RARS2: variants seen among roughly 807,000 people sequenced by gnomAD.
RARS2 encodes the protein probable arginine--tRNA ligase, mitochondrial.
RARS2 carries 67 observed loss-of-function variants against 88.5 expected under a neutral mutation model. The ratio of observed to expected loss-of-function variants is 0.76; its 90% CI spans 0.62 to 0.93. The LOEUF (loss-of-function observed/expected upper bound fraction) is 0.93, where lower values mean the gene tolerates loss of function less well. Among genes scored for constraint, RARS2 ranks in the 40% least tolerant of loss-of-function variants. RARS2 has a pLI of 0.00. For missense variants in RARS2, 664 were observed against 684.2 expected (o/e 0.97, Z 0.33); for synonymous variants, 239 against 230.3 (o/e 1.04, Z -0.34).
intron 7 of RARS2, among the ~76,000 whole-genome samples, chr6:87,543,302 CAAAACAAAAACAAAAACA>C (rs563618761): frequency 1.4e-4 from 20 of 147,352 alleles, no homozygotes; most frequent in African/African-American, 5.1e-4. Flanking sequence ...AACTCTGTCT[CAAAACAAAAACAAAAACA>C]AAAACAAAAA....
At chr6:87,516,969 A>C in intron 17 of RARS2, 89 bp from the exon 18 acceptor site, 1 of 1,564,170 alleles carries the variant, frequency 6.4e-7, no homozygotes, top group Non-Finnish European at 8.7e-7. Flanking sequence ...TATAAGGTTG[A>C]CTCGACACGA....
intron 18 of RARS2, 55 bp downstream of exon 18, chr6:87,516,751 G>T (rs943702902): frequency 1.9e-6 from 3 of 1,601,628 alleles, no homozygotes; most frequent in Admixed American, 3.4e-5. Flanking sequence ...ACCTTTAGAT[G>T]AAAGAAAGGT....
intron 1 of RARS2, among the ~76,000 whole-genome samples, chr6:87,573,848 T>C (rs868822933): frequency 4.6e-5 from 7 of 152,048 alleles, no homozygotes; most frequent in African/African-American, 1.7e-4. Flanking sequence ...CAGCAGCAAA[T>C]ACACAAGACA....
In RARS2 at chr6:87,589,915, T is replaced by C. The variant is rs1403257711; in HGVS notation, c.36+7A>G. ...AGGGACTCCTCTGCGCGCTCCGGGA[T>C]CCATACCTGGCAAGCAATAGCGCGG... On this transcript the variant is annotated splice_region_variant and intron_variant, in intron 1 of 19. Transcript: ENST00000369536. The C allele has an allele frequency of 3.1e-6, 5 of 1,614,116 alleles. No homozygotes were observed. The highest frequency in any genetic ancestry group is 1.1e-5 in the South Asian group (1 of 91,088).
intron 1 of RARS2, among the ~76,000 whole-genome samples, chr6:87,581,439 G>A (rs539543587): frequency 6.6e-6 from 1 of 151,958 alleles, no homozygotes; most frequent in African/African-American, 2.4e-5. Flanking sequence ...CAGTGCAGAA[G>A]CCCTCCCAAA....
At chr6:87,559,535 T>C (rs1212768984) in intron 4 of RARS2, among the ~76,000 whole-genome samples, 1 of 151,092 alleles carries the variant, frequency 6.6e-6, no homozygotes, top group East Asian at 2.0e-4. Flanking sequence ...TACAGCAGTG[T>C]GATCCTGTAC....
chr6:87,564,925 G>C (rs989217141), intron 2 of RARS2, among the ~76,000 whole-genome samples: 1 of 126,104 alleles, frequency 7.9e-6, no homozygotes, highest in African/African-American at 2.9e-5. Context: ...AGGCGTGGTG[G>C]CATGTGCCCG....
At position 87,518,636 on chromosome 6, in the gene RARS2, A is replaced by G; in HGVS notation, c.1409T>C (p.Leu470Pro). Reference sequence around the variant, plus strand: ...CCCTGCAGCCTCTTCTCACCTGTGGAGGCGGGCGTGTGTGTACTGTAGGAA... The same window carrying G: ...CCCTGCAGCCTCTTCTCACCTGTGGGGGCGGGCGTGTGTGTACTGTAGGAA... ...GVFLQYTHAR[L>P]HSLEETFGCG... The change falls in exon 16 of 20, where the codon CTC becomes CCC. Residue 470 changes from leucine (L) to proline (P), a missense_variant. Coordinates refer to ENST00000369536, the MANE Select transcript of RARS2 (RefSeq NM_020320.5). 1 of 1,611,658 alleles carries G rather than the reference A, an allele frequency of 6.2e-7. No individual in the cohort carries two copies. The highest frequency in any genetic ancestry group is 1.7e-5 in the Admixed American group (1 of 60,004).
chr6:87,570,259 A>C (rs1749701408), intron 1 of RARS2, among the ~76,000 whole-genome samples: 1 of 151,518 alleles, frequency 6.6e-6, no homozygotes, highest in African/African-American at 2.4e-5. Flanking sequence ...TTCCACATCA[A>C]CTCCCCAAAG....
chr6:87,589,371 CA>C (rs1776261647), intron 1 of RARS2, among the ~76,000 whole-genome samples: 1 of 152,154 alleles, frequency 6.6e-6, no homozygotes, highest in South Asian at 2.1e-4. Context: ...CAAAACAAAG[CA>C]ATTATATTGC....
At chr6:87,583,246 C>T (rs992982903) in intron 1 of RARS2, among the ~76,000 whole-genome samples, 2 of 152,140 alleles carry the variant, frequency 1.3e-5, no homozygotes, top group Admixed American at 1.3e-4. Context: ...ATTATCACAA[C>T]TTTTTATAAG....
chr6:87,538,636 T>C (rs1391068646), intron 8 of RARS2, among the ~76,000 whole-genome samples: 1 of 152,144 alleles, frequency 6.6e-6, no homozygotes, highest in Non-Finnish European at 1.5e-5. Flanking sequence ...GTGGCTCATG[T>C]CTGTAATTCC....
intron 8 of RARS2, 67 bp from the exon 9 acceptor site, chr6:87,531,009 A>C: frequency 6.3e-7 from 1 of 1,595,338 alleles, no homozygotes; most frequent in Non-Finnish European, 8.5e-7. Flanking sequence ...CACGGAAAGA[A>C]AGCAAAAAAA....
intron 1 of RARS2, chr6:87,584,810 A>G (rs559442635): frequency 4.6e-6 from 2 of 436,620 alleles, no homozygotes; most frequent in South Asian, 3.3e-5. Context: ...TATCTACCCC[A>G]AGACCCAGGG....
chr6:87,585,289 A>G (rs958169931), intron 1 of RARS2, among the ~76,000 whole-genome samples: 6 of 152,196 alleles, frequency 3.9e-5, no homozygotes, highest in Non-Finnish European at 8.8e-5. Flanking sequence ...TGAATAAGAC[A>G]TGTTCTGTCT....
At chr6:87,522,331 A>AT (rs1290579803) in intron 11 of RARS2, among the ~76,000 whole-genome samples, 2 of 119,952 alleles carry the variant, frequency 1.7e-5, no homozygotes, top group Non-Finnish European at 1.7e-5. Flanking sequence ...CACCGTCTCA[A>AT]TTAAAAAAAA....
chr6:87,518,898 CAG>C lies in RARS2; in HGVS notation c.1238-9_1238-8del, dbSNP rs1772759096. On this transcript the variant is annotated splice_region_variant and splice_polypyrimidine_tract_variant and intron_variant, in intron 14 of 19. Coordinates refer to ENST00000369536, the MANE Select transcript of RARS2 (RefSeq NM_020320.5). ...TTCTTGAGTTCTTTAGTTGCTGAAA[CAG>C]ACAAAGGCAGCTATCTTTAGTCTAC... 6.2e-7 allele frequency: 1 copy of C among 1,613,500 alleles called. No homozygotes were observed. The highest frequency in any genetic ancestry group is 1.7e-5 in the Admixed American group (1 of 59,980).
At chr6:87,564,014 A>T in intron 3 of RARS2, 116 bp downstream of exon 3, 2 of 771,690 alleles carry the variant, frequency 2.6e-6, no homozygotes, top group South Asian at 3.0e-5. Context: ...ATATTACACA[A>T]GATGCCTCAA....
At chr6:87,573,867 T>C (rs1465149014) in intron 1 of RARS2, among the ~76,000 whole-genome samples, 1 of 152,080 alleles carries the variant, frequency 6.6e-6, no homozygotes, top group Non-Finnish European at 1.5e-5. Flanking sequence ...CAGAAAGAGC[T>C]CAAAGTCACA....
Sources: gnomAD v4.1 joint callset for allele counts (sites outside exome capture counted in the v4.1 genomes callset) on GRCh38, gnomAD v4.1.1 for gene constraint, MANE v1.5 for transcripts, NCBI Gene and HGNC (gene_info 2026-07-23, HGNC 2026-07-21) for gene names.